The following AGO3 variants were observed in gnomAD, a reference collection of about 807,000 sequenced individuals.
AGO3 encodes the protein argonaute RISC catalytic component 3, also known as protein argonaute-3.
AGO3 carries 16 observed loss-of-function variants against 105.5 expected under a neutral mutation model. The ratio of observed to expected loss-of-function variants is 0.15; its 90% confidence interval spans 0.10 to 0.23. The LOEUF (loss-of-function observed/expected upper bound fraction) is 0.23, where lower values mean the gene tolerates loss of function less well. Ranked by LOEUF, AGO3 falls within the 10% of genes least tolerant of loss-of-function variation. The probability of loss-of-function intolerance (pLI) is 1.00; values close to 1 mark genes in which losing one functional copy is unlikely to be tolerated. For missense variants in AGO3, 534 were observed against 1,088.0 expected, an observed-to-expected ratio of 0.49 and a Z score of 7.16; for synonymous variants, 340 against 367.3, an observed-to-expected ratio of 0.93 and a Z score of 0.85.
rs1184069557 is a variant in AGO3, at chr1:36,061,839, A to T, written c.*6094A>T. The T allele has an allele frequency of 6.6e-6, 1 of 152,210 alleles. No homozygotes were observed. Among genetic ancestry groups the T allele is most frequent in the Non-Finnish European group, 1.5e-5 (1 of 68,040 alleles). 9.4% of individuals were successfully genotyped at this position (152,210 alleles called of 1,614,324 possible). ...CACGAAGCTAAGAATTTTAAAGATAAATTATTTTAGAACTCCAAGAGTGTG... is the reference window on the plus strand; with the variant it reads ...CACGAAGCTAAGAATTTTAAAGATATATTATTTTAGAACTCCAAGAGTGTG... On this transcript the variant is annotated 3_prime_UTR_variant, in exon 19 of 19. Transcript: ENST00000373191.
intron 13 of AGO3, 27 bp from the exon 14 acceptor site, chr1:36,036,150 C>G: frequency 6.3e-7 from 1 of 1,599,440 alleles, no homozygotes; most frequent in Non-Finnish European, 8.6e-7. Flanking sequence ...AATGAAATAT[C>G]TAACCCTTTT....
At chr1:35,964,584 C>CATACACATGCATGTGTCTTTATGATAG (rs1361565767) in intron 2 of AGO3, among the ~76,000 whole-genome samples, 1 of 152,146 alleles carries the variant, frequency 6.6e-6, no homozygotes, top group Non-Finnish European at 1.5e-5. Flanking sequence ...CTGCAGTGAA[C>CATACACATGCATGTGTCTTTATGATAG]ATACACATGC....
chr1:35,947,235 A>G (rs1646383303), intron 2 of AGO3, among the ~76,000 whole-genome samples: 1 of 152,102 alleles, frequency 6.6e-6, no homozygotes, highest in South Asian at 2.1e-4. Context: ...GTTAATTACA[A>G]CATTCCTATA....
At chr1:35,994,766 A>G (rs1203433606) in intron 5 of AGO3, among the ~76,000 whole-genome samples, 9 of 152,350 alleles carry the variant, frequency 5.9e-5, no homozygotes, top group African/African-American at 2.2e-4. Context: ...TTCATAACAT[A>G]AAACATAATT....
At chr1:35,972,467 A>G (rs991712703) in intron 4 of AGO3, among the ~76,000 whole-genome samples, 4 of 152,240 alleles carry the variant, frequency 2.6e-5, no homozygotes, top group Non-Finnish European at 5.9e-5. Flanking sequence ...TTTTATAGAA[A>G]AATATCTCAC....
intron 17 of AGO3, among the ~76,000 whole-genome samples, chr1:36,054,185 A>G (rs1313699284): frequency 2.0e-5 from 3 of 152,186 alleles, no homozygotes; most frequent in Non-Finnish European, 4.4e-5. Flanking sequence ...TGCTGTAGTC[A>G]GCAAATAACC....
At chr1:35,996,120 C>G (rs939645294) in intron 5 of AGO3, among the ~76,000 whole-genome samples, 5 of 152,036 alleles carry the variant, frequency 3.3e-5, no homozygotes, top group African/African-American at 1.2e-4. Flanking sequence ...AAGAGAATCG[C>G]TTGAGGCCAG....
chr1:35,973,647 C>T, intron 5 of AGO3, 136 bp downstream of exon 5: 1 of 1,024,368 alleles, frequency 9.8e-7, no homozygotes, highest in East Asian at 3.1e-5. Context: ...ACTGGAGAAA[C>T]CTTTATATTT....
intron 2 of AGO3, among the ~76,000 whole-genome samples, chr1:35,955,730 G>A (rs1646552953): frequency 5.3e-5 from 8 of 151,958 alleles, no homozygotes; most frequent in Admixed American, 5.3e-4. Flanking sequence ...TAGTAGCTGG[G>A]ACTACAGGCA....
intron 1 of AGO3, among the ~76,000 whole-genome samples, chr1:35,936,841 G>A (rs779993698): frequency 2.0e-5 from 3 of 152,042 alleles, no homozygotes; most frequent in Admixed American, 6.6e-5. Flanking sequence ...CAAAATGCTG[G>A]GATTGCAGGA....
chr1:36,028,123 C>A (rs1317186093), intron 12 of AGO3, among the ~76,000 whole-genome samples: 1 of 152,120 alleles, frequency 6.6e-6, no homozygotes, highest in Non-Finnish European at 1.5e-5. Context: ...CTTACTGCAG[C>A]CTTGACCTCT....
intron 5 of AGO3, among the ~76,000 whole-genome samples, chr1:35,999,824 T>C (rs1640001941): frequency 6.6e-6 from 1 of 152,182 alleles, no homozygotes; most frequent in Admixed American, 6.5e-5. Flanking sequence ...TTTCTCTCTT[T>C]CCAACCTTTT....
At position 36,055,838 on chromosome 1, in the gene AGO3, C is replaced by G; in HGVS notation, c.*93C>G. On this transcript the variant is annotated 3_prime_UTR_variant, in exon 19 of 19. Transcript: ENST00000373191. The surrounding 1 kb of genome is among the most constrained non-coding windows in gnomAD (Gnocchi z 4.4). ...TGAAGTCAATTGAGTAAGGACACCTCCAGCCATACAGAAACCAACACTGTG... is the reference window on the plus strand; with the variant it reads ...TGAAGTCAATTGAGTAAGGACACCTGCAGCCATACAGAAACCAACACTGTG... 7.9e-7 allele frequency: 1 copy of G among 1,258,250 alleles called. No homozygotes were observed. The highest frequency in any genetic ancestry group is 1.3e-5 in the South Asian group (1 of 76,956). 77.9% of individuals were successfully genotyped at this position (1,258,250 alleles called of 1,614,324 possible).
chr1:36,021,851 G>C (rs1641242100), intron 11 of AGO3, among the ~76,000 whole-genome samples: 1 of 151,954 alleles, frequency 6.6e-6, no homozygotes, highest in Non-Finnish European at 1.5e-5. Context: ...AAGACAATAT[G>C]ATACAGAATC....
chr1:35,952,136 C>CTTTTTTTTTTT (rs1557648119), intron 2 of AGO3, among the ~76,000 whole-genome samples: 1 of 111,522 alleles, frequency 9.0e-6, no homozygotes, highest in Non-Finnish European at 1.6e-5. Context: ...TTCTTTCTTT[C>CTTTTTTTTTTT]TTTCTTTCTT....
chr1:35,971,943 A>G, intron 3 of AGO3, 81 bp from the exon 4 acceptor site: 1 of 1,315,126 alleles, frequency 7.6e-7, no homozygotes, highest in Non-Finnish European at 1.1e-6. Context: ...GTTTTCTCTT[A>G]GATATTTTTA....
intron 3 of AGO3, among the ~76,000 whole-genome samples, chr1:35,967,774 T>C (rs1646800949): frequency 6.6e-6 from 1 of 152,174 alleles, no homozygotes; most frequent in African/African-American, 2.4e-5. Flanking sequence ...TGTACAGTTA[T>C]CAAGTTCATT....
At chr1:36,015,070 C>A (rs558858378) in intron 11 of AGO3, among the ~76,000 whole-genome samples, 1 of 152,178 alleles carries the variant, frequency 6.6e-6, no homozygotes, top group Admixed American at 6.5e-5. Flanking sequence ...GCATCAGATT[C>A]CACAGATTCA....
At chr1:35,953,868 A>G (rs937259846) in intron 2 of AGO3, among the ~76,000 whole-genome samples, 3 of 152,130 alleles carry the variant, frequency 2.0e-5, no homozygotes, top group African/African-American at 2.4e-5. Flanking sequence ...GGAGTTCATT[A>G]TATGTTCTAG....
Sources: allele counts gnomAD v4.1 joint callset (sites outside exome capture counted in the v4.1 genomes callset), GRCh38; gene constraint gnomAD v4.1.1; non-coding constraint Gnocchi (gnomAD v3.1); transcripts MANE v1.5; gene names NCBI Gene and HGNC (gene_info 2026-07-23, HGNC 2026-07-21).